Variants in SLC16A10 observed in about 807,000 individuals in gnomAD.
The protein encoded by SLC16A10 is monocarboxylate transporter 10.
Under a neutral mutation model 40.0 loss-of-function variants are expected in SLC16A10, and 27 were observed. The observed-to-expected ratio is 0.67, with a 90% confidence interval of 0.50 to 0.93. SLC16A10 has a LOEUF of 0.93. SLC16A10 is among the 40% of genes least tolerant of loss of function. The probability of loss-of-function intolerance (pLI) is 0.00; values close to 1 mark genes in which losing one functional copy is unlikely to be tolerated. For synonymous variants in SLC16A10, 213 were observed against 249.8 expected (o/e 0.85, Z 1.39); for missense variants, 529 against 658.2 (o/e 0.80, Z 2.15).
chr6:111,175,956 A>C (rs925286736), intron 2 of SLC16A10, among the ~76,000 whole-genome samples: 1 of 152,046 alleles, frequency 6.6e-6, no homozygotes, highest in South Asian at 2.1e-4. Context: ...TGGCCACCCA[A>C]AGTGTTGGGA....
chr6:111,192,706 A>G (rs1773015640), intron 3 of SLC16A10, among the ~76,000 whole-genome samples: 1 of 152,188 alleles, frequency 6.6e-6, no homozygotes, highest in African/African-American at 2.4e-5. Flanking sequence ...GAGGCCTCAC[A>G]ATCATGGTGG....
At chr6:111,157,787 A>C (rs551198225) in intron 1 of SLC16A10, among the ~76,000 whole-genome samples, 2 of 152,274 alleles carry the variant, frequency 1.3e-5, no homozygotes, top group African/African-American at 4.8e-5. Flanking sequence ...TGATTGAATA[A>C]ATACATAAAT....
chr6:111,174,342 C>G (rs1196995424), intron 2 of SLC16A10, among the ~76,000 whole-genome samples: 5 of 151,950 alleles, frequency 3.3e-5, no homozygotes, highest in Non-Finnish European at 1.5e-5. Flanking sequence ...TCAACAGAAT[C>G]CTTGGTTTTA....
chr6:111,089,817 A>AT (rs1235536191), intron 1 of SLC16A10, among the ~76,000 whole-genome samples: 1 of 146,790 alleles, frequency 6.8e-6, no homozygotes, highest in African/African-American at 2.5e-5. Context: ...GGGATTACAG[A>AT]TTTTTTAATG....
At chr6:111,182,420 C>T (rs902390909) in intron 3 of SLC16A10, among the ~76,000 whole-genome samples, 3 of 148,786 alleles carry the variant, frequency 2.0e-5, no homozygotes, top group Non-Finnish European at 3.0e-5. Flanking sequence ...CATCACTCCT[C>T]CTTAGTTTCT....
At chr6:111,123,361 T>C (rs866421517) in intron 1 of SLC16A10, among the ~76,000 whole-genome samples, 1 of 152,226 alleles carries the variant, frequency 6.6e-6, no homozygotes, top group Non-Finnish European at 1.5e-5. Context: ...GGTAAAAGAA[T>C]CCATTCCCTT....
chr6:111,153,291 T>C (rs1772206609), intron 1 of SLC16A10, among the ~76,000 whole-genome samples: 1 of 152,108 alleles, frequency 6.6e-6, no homozygotes, highest in African/African-American at 2.4e-5. Flanking sequence ...TCGCAGCACT[T>C]TGGGAGGCCA....
In SLC16A10 at chr6:111,175,922, T is replaced by C. The variant is rs116534289; in HGVS notation, c.489-1290T>C. 7.0e-3 allele frequency among the ~76,000 whole-genome samples: 1,072 copies of C among 152,212 alleles called. 13 individuals are homozygous for C. Among genetic ancestry groups the C allele is most frequent in the African/African-American group, 0.024 (1,005 of 41,538 alleles). ...ATGGGGTTTTGCTATGTTGCCAGACTGGTCTCAAGCCATCCTCCTGCCTTG... is the reference window on the plus strand; with the variant it reads ...ATGGGGTTTTGCTATGTTGCCAGACCGGTCTCAAGCCATCCTCCTGCCTTG... On this transcript the variant is annotated intron_variant, in intron 2 of 5. Transcript: ENST00000368851.
intron 1 of SLC16A10, among the ~76,000 whole-genome samples, chr6:111,171,420 G>T (rs1772583424): frequency 6.6e-6 from 1 of 152,234 alleles, no homozygotes; most frequent in African/African-American, 2.4e-5. Context: ...TAGAGGCCAA[G>T]GTGGGAGGAT....
At chr6:111,178,903 G>A (rs1772740948) in intron 3 of SLC16A10, among the ~76,000 whole-genome samples, 1 of 152,128 alleles carries the variant, frequency 6.6e-6, no homozygotes, top group African/African-American at 2.4e-5. Flanking sequence ...TAAGTTTCCT[G>A]GAATATAGAT....
chr6:111,177,848 G>C (rs917496100), intron 3 of SLC16A10, 183 bp downstream of exon 3: 2 of 553,100 alleles, frequency 3.6e-6, no homozygotes, highest in African/African-American at 1.9e-5. Flanking sequence ...TAAACAGAGA[G>C]AGTATGTTTC....
At chr6:111,088,415 G>GA (rs2114417069) in intron 1 of SLC16A10, among the ~76,000 whole-genome samples, 1 of 152,322 alleles carries the variant, frequency 6.6e-6, no homozygotes, top group African/African-American at 2.4e-5. Flanking sequence ...TTTATTGTTT[G>GA]AAAACAAACA....
At position 111,223,245 on chromosome 6, in the gene SLC16A10, A is replaced by T. The variant is rs1770936089; in HGVS notation, c.*1010A>T. 1 of 152,224 alleles carries T rather than the reference A, an allele frequency of 6.6e-6. No homozygotes were observed. Among genetic ancestry groups the T allele is most frequent in the Non-Finnish European group, 1.5e-5 (1 of 68,046 alleles). 9.4% of individuals were successfully genotyped at this position (152,224 alleles called of 1,614,324 possible). ...GGTTTATGAAATTAATGAGTCTGAA[A>T]AGGTTAAAAGCACTTATAAAAAGAA... On this transcript the variant is annotated 3_prime_UTR_variant, in exon 6 of 6. Transcript: ENST00000368851.
intron 1 of SLC16A10, among the ~76,000 whole-genome samples, chr6:111,131,491 T>G (rs1771782075): frequency 6.6e-6 from 1 of 152,206 alleles, no homozygotes; most frequent in South Asian, 2.1e-4. Flanking sequence ...TTGGCCACCA[T>G]GAAGGGACTT....
At chr6:111,136,818 T>C (rs891579254) in intron 1 of SLC16A10, among the ~76,000 whole-genome samples, 3 of 152,218 alleles carry the variant, frequency 2.0e-5, no homozygotes, top group African/African-American at 4.8e-5. Context: ...AGTGCTCAGC[T>C]GGCAGAACTA....
chr6:111,164,556 T>C (rs1772436593), intron 1 of SLC16A10, among the ~76,000 whole-genome samples: 1 of 151,848 alleles, frequency 6.6e-6, no homozygotes, highest in Non-Finnish European at 1.5e-5. Flanking sequence ...GGTCAGGAGT[T>C]CAAGACCAGC....
At chr6:111,115,444 G>A (rs1486328427) in intron 1 of SLC16A10, among the ~76,000 whole-genome samples, 1 of 152,206 alleles carries the variant, frequency 6.6e-6, no homozygotes, top group Non-Finnish European at 1.5e-5. Context: ...CCTGACCTCA[G>A]GTGATCCACC....
intron 3 of SLC16A10, among the ~76,000 whole-genome samples, chr6:111,182,963 G>A (rs911450581): frequency 1.3e-5 from 2 of 152,182 alleles, no homozygotes; most frequent in Non-Finnish European, 2.9e-5. Context: ...ATCACTGCCA[G>A]AGCCTCCTAA....
intron 3 of SLC16A10, among the ~76,000 whole-genome samples, chr6:111,183,527 A>G (rs1467954138): frequency 6.6e-6 from 1 of 152,220 alleles, no homozygotes; most frequent in Non-Finnish European, 1.5e-5. Flanking sequence ...CTGAAGTGAC[A>G]CTGTATAAGT....
Sources: gnomAD v4.1 joint callset for allele counts (sites outside exome capture counted in the v4.1 genomes callset) on GRCh38, gnomAD v4.1.1 for gene constraint, MANE v1.5 for transcripts, NCBI Gene and HGNC (gene_info 2026-07-23, HGNC 2026-07-21) for gene names.